The following LLGL2 variants were observed in gnomAD, a reference collection of about 807,000 sequenced individuals.
LLGL2 encodes LLGL2, scribble cell polarity complex component.
A neutral mutation model predicts 123.2 loss-of-function variants in LLGL2; 81 were observed. The observed-to-expected ratio is 0.66, with a 90% CI of 0.55 to 0.79. The LOEUF (loss-of-function observed/expected upper bound fraction) is 0.79, where lower values mean the gene tolerates loss of function less well. Among genes scored for constraint, LLGL2 ranks in the 30% least tolerant of loss-of-function variants. LLGL2 has a pLI of 0.00. For synonymous variants in LLGL2, 577 were observed against 594.1 expected, an observed-to-expected ratio of 0.97 and a Z score of 0.42; for missense variants, 1,273 against 1,414.6, an observed-to-expected ratio of 0.90 and a Z score of 1.61.
chr17:75,563,365 G>A lies in LLGL2; in HGVS notation c.728G>A (p.Arg243His), dbSNP rs780370026. The change falls in exon 8 of 26, where the codon CGC (arginine) becomes CAC (histidine). Residue 243 changes from arginine (R) to histidine (H), a missense_variant. Arg to His is a conservative substitution (Grantham distance 29). Coordinates refer to ENST00000392550, the MANE Select transcript of LLGL2 (RefSeq NM_001031803.2). ...AACATCTGGTGGCAGCGGGACGGCCGCCTGCTCGTCAGCTGTCACTCTGAC... is the reference window on the plus strand; with the variant it reads ...AACATCTGGTGGCAGCGGGACGGCCACCTGCTCGTCAGCTGTCACTCTGAC... ...LENIWWQRDG[R>H]LLVSCHSDGS... 8 of 1,612,714 alleles carry A rather than the reference G, an allele frequency of 5.0e-6. No individual in the cohort carries two copies. Among genetic ancestry groups the A allele is most frequent in the African/African-American group, 1.3e-5 (1 of 75,056 alleles).
chr17:75,551,604 G>C (rs2054677863), intron 2 of LLGL2, among the ~76,000 whole-genome samples: 1 of 152,152 alleles, frequency 6.6e-6, no homozygotes, highest in Non-Finnish European at 1.5e-5. Context: ...GAAAGATGCT[G>C]AGCCGAACAG....
chr17:75,532,140 G>T (rs2053821710), intron 1 of LLGL2, among the ~76,000 whole-genome samples: 1 of 147,528 alleles, frequency 6.8e-6, no homozygotes, highest in Admixed American at 6.9e-5. Flanking sequence ...GAGTGCAATG[G>T]CATGATTTCG....
chr17:75,548,309 C>G (rs1160940792), intron 2 of LLGL2, among the ~76,000 whole-genome samples: 1 of 144,236 alleles, frequency 6.9e-6, no homozygotes, highest in Non-Finnish European at 1.5e-5. Context: ...CGGAGTTTAG[C>G]TCTTGTTGCC....
In LLGL2 at chr17:75,575,043, C is replaced by T; in HGVS notation, c.*165C>T. On this transcript the variant is annotated 3_prime_UTR_variant, in exon 26 of 26. Transcript: ENST00000392550. ...CTGGGCCTCGGGAGAGGAGAGACCC[C>T]AGTCCCCTGGGCTGCCCTTCCCGGG... 1 of 954,502 alleles carries T rather than the reference C, an allele frequency of 1.0e-6. No individual in the cohort carries two copies. Among genetic ancestry groups the T allele is most frequent in the Non-Finnish European group, 1.7e-6 (1 of 595,844 alleles). 59.1% of individuals were successfully genotyped at this position (954,502 alleles called of 1,614,324 possible). A position where few individuals can be genotyped will look rare whatever the true frequency, so the allele number is the denominator to read the frequency against.
rs1661718 is a variant in LLGL2 at position 75,571,127 on chromosome 17, G to T, written c.2176+27G>T. ...TGAGTGGCCAGCCTGGGGTTGGGGG[G>T]CAGGGGGTAGTGGGCAGCAGACACC... On this transcript the variant is annotated intron_variant, in intron 17 of 25. Coordinates refer to ENST00000392550, the MANE Select transcript of LLGL2 (RefSeq NM_001031803.2). 0.045 allele frequency: 70,737 copies of T among 1,566,686 alleles called. 2,129 individuals are homozygous for T. Among genetic ancestry groups the T allele is most frequent in the Middle Eastern group, 0.11 (624 of 5,922 alleles).
Position 75,573,943 on chromosome 17 carries a change from C to T in LLGL2, c.2877-9C>T, listed in dbSNP as rs1050900128. ...GGGGCCCTGGTCCTCACTGTCTCTT[C>T]CCCCACAGGAACTCAGGGACTCAGA... On this transcript the variant is annotated splice_polypyrimidine_tract_variant and intron_variant, in intron 21 of 25. Coordinates refer to ENST00000392550, the MANE Select transcript of LLGL2 (RefSeq NM_001031803.2). 1.3e-5 allele frequency: 20 copies of T among 1,550,588 alleles called. No homozygotes were observed. The East Asian group carries it at 2.2e-4, about 17-fold the overall frequency.
chr17:75,572,506 T>C (rs553063520), intron 19 of LLGL2, among the ~76,000 whole-genome samples: 21 of 151,732 alleles, frequency 1.4e-4, no homozygotes, highest in Non-Finnish European at 2.4e-4. Context: ...TACAAACAAA[T>C]GCAAAAAAAT....
chr17:75,557,992 G>T, intron 3 of LLGL2, 163 bp from the exon 4 acceptor site: 1 of 762,432 alleles, frequency 1.3e-6, no homozygotes. Flanking sequence ...GGGCTGCTGT[G>T]TCTCCTCCCC....
At chr17:75,528,743 C>G (rs1426205723) in intron 1 of LLGL2, among the ~76,000 whole-genome samples, 1 of 151,174 alleles carries the variant, frequency 6.6e-6, no homozygotes, top group African/African-American at 2.4e-5. Flanking sequence ...CATCTCAAAA[C>G]AAACAAACAA....
intron 3 of LLGL2, among the ~76,000 whole-genome samples, 158 bp downstream of exon 3, chr17:75,556,301 A>AG (rs1480355779): frequency 6.6e-6 from 1 of 152,148 alleles, no homozygotes; most frequent in Non-Finnish European, 1.5e-5. Flanking sequence ...AAAATGGGGC[A>AG]GGTATGGTTG....
rs1360235671 is a variant in LLGL2 at position 75,558,699 on chromosome 17, TCA to T, written c.371+74_371+75del. 8.0e-7 allele frequency: 1 copy of T among 1,249,624 alleles called. No individual in the cohort carries two copies. The highest frequency in any genetic ancestry group is 1.1e-6 in the Non-Finnish European group (1 of 877,182). 77.4% of individuals were successfully genotyped at this position (1,249,624 alleles called of 1,614,324 possible). ...CCTTGCCCTTAGCTCTGGAGTGGAC[TCA>T]CCCTTTGTGAGGCCTGTTGCGCCCC... is the stretch of plus-strand genomic sequence containing the variant. On this transcript the variant is annotated intron_variant, in intron 5 of 25. Transcript: ENST00000392550. The surrounding 1 kb of genome is among the most constrained non-coding windows in gnomAD (Gnocchi z 4.0).
chr17:75,552,331 A>G (rs983941451), intron 2 of LLGL2, among the ~76,000 whole-genome samples: 2 of 151,698 alleles, frequency 1.3e-5, no homozygotes, highest in Admixed American at 1.3e-4. Flanking sequence ...TCTACTAAAA[A>G]TACAAAAACT....
chr17:75,569,859 C>A (rs1262510222), intron 14 of LLGL2, 104 bp from the exon 15 acceptor site: 39 of 1,291,912 alleles, frequency 3.0e-5, no homozygotes, highest in Non-Finnish European at 3.8e-5. Flanking sequence ...TTTGTCCTTC[C>A]TTGAGCCTTG....
rs572166598 is a variant in LLGL2, at chr17:75,558,114, T to C, written c.174-41T>C. The stretch of plus-strand genomic sequence containing the variant: ...CCTGGCACTCAAGGCAGGCAGGGGA[T>C]GGTGTCCGACCTTCCAGAGCTTTCC... On this transcript the variant is annotated intron_variant, in intron 3 of 25. Coordinates refer to ENST00000392550, the MANE Select transcript of LLGL2 (RefSeq NM_001031803.2). The surrounding 1 kb of genome is among the most constrained non-coding windows in gnomAD (Gnocchi z 4.0). 24 of 1,582,838 alleles carry C rather than the reference T, an allele frequency of 1.5e-5. 1 individual carries two copies. In the African/African-American group the frequency reaches 2.2e-4, roughly 14 times the overall value.
Position 75,559,899 on chromosome 17 carries a change from G to C in LLGL2, c.530+489G>C, listed in dbSNP as rs1598600353. Reference sequence around the variant, plus strand: ...GATCGTTTCAGAAGCTTTGCTCCTTGTTGATGATACTACATTAGAGAGGGA... The same window carrying C: ...GATCGTTTCAGAAGCTTTGCTCCTTCTTGATGATACTACATTAGAGAGGGA... On this transcript the variant is annotated intron_variant, in intron 6 of 25. Transcript: ENST00000392550. The surrounding 1 kb of genome is among the most constrained non-coding windows in gnomAD (Gnocchi z 4.6). 2.6e-5 allele frequency among the ~76,000 whole-genome samples: 4 copies of C among 152,336 alleles called. 1 individual carries two copies. In the South Asian group the frequency reaches 8.3e-4, roughly 32 times the overall value.
chr17:75,531,965 A>G (rs2053803923), intron 1 of LLGL2, among the ~76,000 whole-genome samples: 1 of 151,720 alleles, frequency 6.6e-6, no homozygotes. Context: ...CCTTCTCTCG[A>G]GACACCTGAC....
rs2055586846 is a variant in LLGL2 at position 75,569,301 on chromosome 17, G to C, written c.1557G>C (p.Leu519=). 1 of 1,613,144 alleles carries C rather than the reference G, an allele frequency of 6.2e-7. No homozygotes were observed. The change falls in exon 14 of 26, where the codon CTG becomes CTC. Residue 519 remains leucine (L), a synonymous_variant. Coordinates refer to ENST00000392550, the MANE Select transcript of LLGL2 (RefSeq NM_001031803.2). ...KIFLCKYSGY[L]AVAGTAGQVL... Reference sequence around the variant, plus strand: ...TCCTCTGCAAGTACAGCGGCTACCTGGCTGTGGCAGGCACGGCAGGGCAGG... The same window carrying C: ...TCCTCTGCAAGTACAGCGGCTACCTCGCTGTGGCAGGCACGGCAGGGCAGG...
Position 75,558,339 on chromosome 17 carries a change from GT to G in LLGL2, c.255+106del. The G allele has an allele frequency of 7.8e-7, 1 of 1,283,452 alleles. No homozygotes were observed. Among genetic ancestry groups the G allele is most frequent in the Non-Finnish European group, 1.1e-6 (1 of 918,276 alleles). The allele number at this position is 1,283,452 out of a possible 1,614,324, so 79.5% of individuals were successfully genotyped here. A position where few individuals can be genotyped will look rare whatever the true frequency, so the allele number is the denominator to read the frequency against. On this transcript the variant is annotated intron_variant, in intron 4 of 25. Transcript: ENST00000392550. The surrounding 1 kb of genome is among the most constrained non-coding windows in gnomAD (Gnocchi z 4.0). ...AGAGGCTGGCATTCGGTGGCCCTGG[GT>G]TTGCTGCTGATGGAAAGACCTGGGA...
intron 2 of LLGL2, among the ~76,000 whole-genome samples, chr17:75,548,299 C>T (rs542426233): frequency 1.2e-4 from 13 of 112,746 alleles, no homozygotes; most frequent in African/African-American, 3.5e-4. Context: ...TTTTTTTGGA[C>T]GGAGTTTAGC....
Sources: allele counts gnomAD v4.1 joint callset (sites outside exome capture counted in the v4.1 genomes callset), GRCh38; gene constraint gnomAD v4.1.1; non-coding constraint Gnocchi (gnomAD v3.1); transcripts MANE v1.5; gene names NCBI Gene and HGNC (gene_info 2026-07-23, HGNC 2026-07-21).